Variants in ATP2C2 observed in about 807,000 individuals in gnomAD.
ATP2C2 encodes ATPase secretory pathway Ca2+ transporting 2, also known as calcium-transporting ATPase type 2C member 2.
Under a neutral mutation model 110.8 loss-of-function variants are expected in ATP2C2, and 171 were observed. The observed-to-expected ratio is 1.54, with a 90% confidence interval of 1.36 to 1.75. The LOEUF is 1.75. ATP2C2 is among the 40% of genes most tolerant of loss of function. The pLI is 0.00. For synonymous variants in ATP2C2, 804 were observed against 508.4 expected (o/e 1.58, Z -7.82); for missense variants, 1,963 against 1,235.0 (o/e 1.59, Z -8.84).
chr16:84,385,600 T>C (rs1597738377), intron 1 of ATP2C2, among the ~76,000 whole-genome samples: 1 of 152,228 alleles, frequency 6.6e-6, no homozygotes, highest in South Asian at 2.1e-4. Context: ...TGAAGAAATA[T>C]CTGAGACTGA....
intron 11 of ATP2C2, among the ~76,000 whole-genome samples, chr16:84,427,251 C>A (rs1381855355): frequency 6.6e-6 from 1 of 152,038 alleles, no homozygotes; most frequent in African/African-American, 2.4e-5. Context: ...ACTTAGATGT[C>A]CATCAGCTCA....
chr16:84,440,877 C>T lies in ATP2C2; in HGVS notation c.1230C>T (p.Asp410=), dbSNP rs760298867. ...LRAEVSGVGY[D]GQGTVCLLPS... ...TGCAGGTCAGCGGAGTTGGGTATGA[C>T]GGTCAAGGGACTGTGTGTCTTCTAC... The change falls in exon 14 of 27, where the codon GAC becomes GAT. Residue 410 remains aspartate, a synonymous_variant. Transcript: ENST00000262429. 2.7e-5 allele frequency: 43 copies of T among 1,613,144 alleles called. No individual in the cohort carries two copies. The highest frequency in any genetic ancestry group is 4.4e-5 in the South Asian group (4 of 90,628).
intron 1 of ATP2C2, among the ~76,000 whole-genome samples, chr16:84,373,887 G>C (rs779495458): frequency 6.6e-6 from 1 of 152,154 alleles, no homozygotes; most frequent in Non-Finnish European, 1.5e-5. Flanking sequence ...AAGAATGTCT[G>C]CTAATGTGTG....
chr16:84,459,405 G>T lies in ATP2C2; in HGVS notation c.2333+19G>T, dbSNP rs1345241837. 2.5e-6 allele frequency: 4 copies of T among 1,611,100 alleles called. No homozygotes were observed. Among genetic ancestry groups the T allele is most frequent in the African/African-American group, 2.7e-5 (2 of 74,892 alleles). On this transcript the variant is annotated intron_variant, in intron 23 of 26. Coordinates refer to ENST00000262429, the MANE Select transcript of ATP2C2 (RefSeq NM_014861.4). ...CGCAGAGGTGAGGCAGGGCCGGCTGGGAGCCCTGTGTCTCTTTACCCACCT... is the reference window on the plus strand; with the variant it reads ...CGCAGAGGTGAGGCAGGGCCGGCTGTGAGCCCTGTGTCTCTTTACCCACCT...
intron 3 of ATP2C2, among the ~76,000 whole-genome samples, chr16:84,407,915 T>C (rs1433839050): frequency 6.6e-6 from 1 of 152,206 alleles, no homozygotes; most frequent in African/African-American, 2.4e-5. Flanking sequence ...ATATATAAAA[T>C]AAAGTAAAAA....
intron 6 of ATP2C2, among the ~76,000 whole-genome samples, chr16:84,412,479 T>C (rs1033733625): frequency 7.2e-6 from 1 of 138,976 alleles, no homozygotes; most frequent in Non-Finnish European, 1.6e-5. Context: ...TGTCTGTGCA[T>C]GTGTATGTGT....
intron 8 of ATP2C2, 25 bp from the exon 9 acceptor site, chr16:84,422,604 A>T: frequency 6.2e-7 from 1 of 1,610,902 alleles, no homozygotes. Flanking sequence ...CTTAGATTTC[A>T]TACTTCTCTC....
At chr16:84,410,199 T>C (rs1361649896) in intron 4 of ATP2C2, among the ~76,000 whole-genome samples, 2 of 152,042 alleles carry the variant, frequency 1.3e-5, no homozygotes, top group Non-Finnish European at 2.9e-5. Context: ...CAGAGCAAGA[T>C]TCCATTTCAG....
In ATP2C2 at chr16:84,460,701, G is replaced by T; in HGVS notation, c.2381G>T (p.Arg794Leu). 6.2e-7 allele frequency: 1 copy of T among 1,614,198 alleles called. No individual in the cohort carries two copies. The highest frequency in any genetic ancestry group is 8.5e-7 in the Non-Finnish European group (1 of 1,180,040). ...VDKDAFRQPPRSVRDTILSRA... is the reference protein window; with the variant it reads ...VDKDAFRQPPLSVRDTILSRA... Reference sequence around the variant, plus strand: ...AAAGACGCCTTCAGGCAGCCACCACGGAGTGTGCGGGACACCATCCTCAGC... The same window carrying T: ...AAAGACGCCTTCAGGCAGCCACCACTGAGTGTGCGGGACACCATCCTCAGC... The change falls in exon 24 of 27, where the codon CGG becomes CTG. Residue 794 changes from arginine (R) to leucine (L), a missense_variant. Coordinates refer to ENST00000262429, the MANE Select transcript of ATP2C2 (RefSeq NM_014861.4).
rs775569795 is a variant in ATP2C2 at position 84,425,758 on chromosome 16, T to C, written c.943T>C (p.Ser315Pro). ...AGGTCTCATCATGCTCATTGGCTGG[T>C]CGCAAGGGAAACAACTCCTGAGTAT... ...IIGLIMLIGW[S>P]QGKQLLSMFT... Residue 315 changes from serine (S) to proline (P), a missense_variant, in exon 11 of 27, where the codon TCG becomes CCG. Coordinates refer to ENST00000262429, the MANE Select transcript of ATP2C2 (RefSeq NM_014861.4). 3 of 1,614,106 alleles carry C rather than the reference T, an allele frequency of 1.9e-6. No individual in the cohort carries two copies. The South Asian group carries it at 3.3e-5, about 18-fold the overall frequency.
chr16:84,461,104 C>A (rs140638079), intron 24 of ATP2C2: 2 of 385,116 alleles, frequency 5.2e-6, no homozygotes, highest in Non-Finnish European at 9.4e-6. Flanking sequence ...TCCCTTGTCA[C>A]CAGGAAACAA....
At chr16:84,442,172 C>G (rs1007670565) in intron 14 of ATP2C2, among the ~76,000 whole-genome samples, 1 of 152,118 alleles carries the variant, frequency 6.6e-6, no homozygotes, top group Admixed American at 6.5e-5. Flanking sequence ...AATTTGTTCA[C>G]AAGTTGTGCA....
At chr16:84,440,421 C>T (rs1489114907) in intron 13 of ATP2C2, among the ~76,000 whole-genome samples, 6 of 152,222 alleles carry the variant, frequency 3.9e-5, no homozygotes, top group African/African-American at 7.2e-5. Context: ...ATAAAGTTTC[C>T]TTGGTGTACC....
chr16:84,369,104 A>C (rs1277734444), intron 1 of ATP2C2, among the ~76,000 whole-genome samples: 1 of 152,228 alleles, frequency 6.6e-6, no homozygotes, highest in African/African-American at 2.4e-5. Context: ...TGGAAAATAA[A>C]ATTAGAGGGA....
chr16:84,376,883 G>A (rs1910281340), intron 1 of ATP2C2, among the ~76,000 whole-genome samples: 1 of 152,226 alleles, frequency 6.6e-6, no homozygotes, highest in Non-Finnish European at 1.5e-5. Context: ...TCATGCCAGT[G>A]AGGCTGGCCC....
Position 84,415,569 on chromosome 16 carries a change from C to G in ATP2C2, c.602C>G (p.Pro201Arg), listed in dbSNP as rs776152408. 1 of 1,613,902 alleles carries G rather than the reference C, an allele frequency of 6.2e-7. No homozygotes were observed. Among genetic ancestry groups the G allele is most frequent in the East Asian group, 2.2e-5 (1 of 44,876 alleles). The change falls in exon 7 of 27, where the codon CCT (proline) becomes CGT (arginine). Residue 201 changes from proline (P) to arginine (R), a missense_variant. Physicochemically the swap from Pro to Arg is moderately radical, Grantham distance 103. Coordinates refer to ENST00000262429, the MANE Select transcript of ATP2C2 (RefSeq NM_014861.4). ...TCTCTCTCGATCGGAGACCGGATCCCTGCAGACATCCGACTCACTGAGGTG... is the reference window on the plus strand; with the variant it reads ...TCTCTCTCGATCGGAGACCGGATCCGTGCAGACATCCGACTCACTGAGGTG... ...VVSLSIGDRI[P>R]ADIRLTEVTD...
At chr16:84,391,816 G>A (rs917588091) in intron 1 of ATP2C2, among the ~76,000 whole-genome samples, 4 of 152,142 alleles carry the variant, frequency 2.6e-5, no homozygotes, top group Admixed American at 1.3e-4. Flanking sequence ...AGACCAAGCA[G>A]CCATGGGAAA....
intron 24 of ATP2C2, 126 bp downstream of exon 24, chr16:84,460,927 A>T (rs748073631): frequency 4.2e-5 from 56 of 1,322,868 alleles, no homozygotes; most frequent in Non-Finnish European, 5.7e-5. Context: ...ACACCGGACA[A>T]TGTGATGCCA....
At chr16:84,373,081 C>G (rs554648358) in intron 1 of ATP2C2, among the ~76,000 whole-genome samples, 2 of 148,086 alleles carry the variant, frequency 1.4e-5, no homozygotes, top group African/African-American at 2.5e-5. Flanking sequence ...GATCACGAAA[C>G]TGCACTCCAG....
Sources: gnomAD v4.1 joint callset for allele counts (sites outside exome capture counted in the v4.1 genomes callset) on GRCh38, gnomAD v4.1.1 for gene constraint, MANE v1.5 for transcripts, NCBI Gene and HGNC (gene_info 2026-07-23, HGNC 2026-07-21) for gene names.